Variants in CADM2 observed in about 807,000 individuals in gnomAD.
The protein encoded by CADM2 is immunoglobulin superfamily member 4D.
In CADM2, 12 loss-of-function variants were observed where a neutral mutation model predicts 49.8. That is an observed-to-expected ratio of 0.24 (90% CI 0.15 to 0.39). The LOEUF (loss-of-function observed/expected upper bound fraction) is 0.39, where lower values mean the gene tolerates loss of function less well. Among genes scored for constraint, CADM2 ranks in the 10% least tolerant of loss-of-function variants. CADM2 has a pLI of 1.00. For synonymous variants in CADM2, 214 were observed against 175.4 expected (o/e 1.22, Z -1.74); for missense variants, 378 against 492.3 (o/e 0.77, Z 2.20).
At chr3:85,542,285 C>T (rs959049679) in intron 1 of CADM2, among the ~76,000 whole-genome samples, 2 of 151,984 alleles carry the variant, frequency 1.3e-5, no homozygotes, top group African/African-American at 4.8e-5. Flanking sequence ...TAATTCCTGC[C>T]CTGAGAAATT....
chr3:85,971,120 T>C (rs1319140643), intron 8 of CADM2, among the ~76,000 whole-genome samples: 7 of 151,622 alleles, frequency 4.6e-5, no homozygotes, highest in African/African-American at 1.7e-4. Flanking sequence ...TCATTTTTTC[T>C]AGTATACATG....
chr3:85,662,979 A>T (rs557896186), intron 1 of CADM2, among the ~76,000 whole-genome samples: 48 of 152,072 alleles, frequency 3.2e-4, no homozygotes, highest in Admixed American at 8.5e-4. Flanking sequence ...TGGGTGCCAC[A>T]TCTTAGAAAT....
chr3:85,298,798 T>C (rs1354360723), intron 1 of CADM2, among the ~76,000 whole-genome samples: 1 of 152,132 alleles, frequency 6.6e-6, no homozygotes, highest in Non-Finnish European at 1.5e-5. Flanking sequence ...AATTAGCTCA[T>C]TGTAAAACAA....
chr3:85,969,545 A>G (rs1340971383), intron 8 of CADM2, among the ~76,000 whole-genome samples: 5 of 151,330 alleles, frequency 3.3e-5, no homozygotes, highest in Non-Finnish European at 7.4e-5. Flanking sequence ...TATCACTTCA[A>G]TTAAATACTC....
At chr3:85,044,473 C>A (rs1425662295) in intron 1 of CADM2, among the ~76,000 whole-genome samples, 1 of 152,160 alleles carries the variant, frequency 6.6e-6, no homozygotes, top group Non-Finnish European at 1.5e-5. Context: ...GTTCTCTCTG[C>A]ATTATGAAGG....
At chr3:86,034,990 C>G (rs1261914056) in intron 8 of CADM2, among the ~76,000 whole-genome samples, 2 of 152,106 alleles carry the variant, frequency 1.3e-5, no homozygotes, top group Non-Finnish European at 2.9e-5. Context: ...AATGTTCTCC[C>G]TGCCTCAAAG....
At position 84,982,734 on chromosome 3, in the gene CADM2, T is replaced by TAC. The variant is rs1553663800; in HGVS notation, c.61+23068_61+23069dup. On this transcript the variant is annotated intron_variant, in intron 1 of 9. Transcript: ENST00000383699. Reference sequence around the variant, plus strand: ...ATATATATATATATATATATATATATACATTTTTTGTTTTTTTAATTTTTT... The same window carrying TAC: ...ATATATATATATATATATATATATATACACATTTTTTGTTTTTTTAATTTTTT... Among the ~76,000 whole-genome samples, 4 of 137,734 alleles carry TAC rather than the reference T, an allele frequency of 2.9e-5. No individual in the cohort carries two copies. In the East Asian group the frequency reaches 8.2e-4, roughly 28 times the overall value. 90.4% of individuals were successfully genotyped at this position (137,734 alleles called of 152,430 possible).
At chr3:85,311,382 A>ATTT (rs200412976) in intron 1 of CADM2, among the ~76,000 whole-genome samples, 4 of 148,038 alleles carry the variant, frequency 2.7e-5, no homozygotes, top group African/African-American at 9.8e-5. Flanking sequence ...TATTATTATT[A>ATTT]TTATTTTTTT....
At chr3:85,480,419 T>TG (rs1012570682) in intron 1 of CADM2, among the ~76,000 whole-genome samples, 2 of 151,924 alleles carry the variant, frequency 1.3e-5, no homozygotes, top group African/African-American at 4.8e-5. Flanking sequence ...TTTGTGACTG[T>TG]GGGCAAGTTA....
intron 1 of CADM2, among the ~76,000 whole-genome samples, chr3:85,640,455 A>G (rs1355942956): frequency 6.6e-6 from 1 of 152,184 alleles, no homozygotes; most frequent in Non-Finnish European, 1.5e-5. Context: ...AAGAGACAAC[A>G]CCTAGTTGAC....
chr3:85,961,674 T>C (rs1724836422), intron 8 of CADM2, 27 bp downstream of exon 8: 2 of 1,471,688 alleles, frequency 1.4e-6, no homozygotes. Context: ...AAACATTATA[T>C]GTGAAAGGAT....
chr3:85,340,781 A>AT lies in CADM2; in HGVS notation c.61+381122dup, dbSNP rs111279620. Reference sequence around the variant, plus strand: ...ATTCTTGTTTAAAAGCTCATCCATAATTTTTTTTTAAAATAAATCTTTTTA... The same window carrying AT: ...ATTCTTGTTTAAAAGCTCATCCATAATTTTTTTTTTAAAATAAATCTTTTTA... On this transcript the variant is annotated intron_variant, in intron 1 of 9. Coordinates refer to ENST00000383699, the MANE Select transcript of CADM2 (RefSeq NM_001167675.2). 6.7e-3 allele frequency among the ~76,000 whole-genome samples: 1,015 copies of AT among 151,122 alleles called. 12 individuals are homozygous for AT. The highest frequency in any genetic ancestry group is 0.023 in the African/African-American group (950 of 41,358).
At chr3:86,028,192 A>G (rs1293820145) in intron 8 of CADM2, among the ~76,000 whole-genome samples, 1 of 151,724 alleles carries the variant, frequency 6.6e-6, no homozygotes, top group South Asian at 2.1e-4. Context: ...CCTAGAACTT[A>G]AAGTATAATA....
intron 1 of CADM2, among the ~76,000 whole-genome samples, chr3:85,215,569 C>G (rs1476716249): frequency 6.6e-6 from 1 of 151,876 alleles, no homozygotes; most frequent in Non-Finnish European, 1.5e-5. Flanking sequence ...CAAGCACTCC[C>G]TTAACCACCC....
chr3:85,007,818 A>G (rs1372354249), intron 1 of CADM2, among the ~76,000 whole-genome samples: 1 of 152,200 alleles, frequency 6.6e-6, no homozygotes, highest in Non-Finnish European at 1.5e-5. Context: ...TTGAGTAGCC[A>G]TTAGTGATGT....
At chr3:85,745,432 G>A (rs1026355304) in intron 2 of CADM2, among the ~76,000 whole-genome samples, 4 of 151,846 alleles carry the variant, frequency 2.6e-5, no homozygotes, top group Non-Finnish European at 4.4e-5. Flanking sequence ...AAAGTTGGGG[G>A]TAGACTTTGA....
At chr3:85,171,608 A>T (rs952693923) in intron 1 of CADM2, among the ~76,000 whole-genome samples, 43 of 152,190 alleles carry the variant, frequency 2.8e-4, no homozygotes, top group African/African-American at 1.0e-3. Context: ...GGCATAATGT[A>T]GAGATCGTGC....
rs2031531765 is a variant in CADM2 at position 84,972,584 on chromosome 3, C to A, written c.61+12916C>A. ...TAAATTAGGAAATTGATTCCTTTGTCATTTTTATTATTAGGAAGTGGACTG... is the reference window on the plus strand; with the variant it reads ...TAAATTAGGAAATTGATTCCTTTGTAATTTTTATTATTAGGAAGTGGACTG... On this transcript the variant is annotated intron_variant, in intron 1 of 9. Coordinates refer to ENST00000383699, the MANE Select transcript of CADM2 (RefSeq NM_001167675.2). Among the ~76,000 whole-genome samples, 5 of 152,134 alleles carry A rather than the reference C, an allele frequency of 3.3e-5. No homozygotes were observed. The South Asian group carries it at 1.0e-3, about 31-fold the overall frequency.
chr3:85,097,803 C>T (rs2037859192), intron 1 of CADM2, among the ~76,000 whole-genome samples: 1 of 152,144 alleles, frequency 6.6e-6, no homozygotes, highest in Admixed American at 6.5e-5. Context: ...GTGGTCTTTT[C>T]CTATGGTTCT....
Sources: allele counts gnomAD v4.1 joint callset (sites outside exome capture counted in the v4.1 genomes callset), GRCh38; gene constraint gnomAD v4.1.1; transcripts MANE v1.5; gene names NCBI Gene and HGNC (gene_info 2026-07-23, HGNC 2026-07-21).